The following EXOC4 variants were observed in gnomAD, a reference collection of about 807,000 sequenced individuals.
EXOC4 encodes SEC8-like 1.
Under a neutral mutation model 107.2 loss-of-function variants are expected in EXOC4, and 71 were observed. The observed-to-expected ratio is 0.66, with a 90% CI of 0.55 to 0.81. EXOC4 has a LOEUF of 0.81. Ranked by LOEUF, EXOC4 falls within the 30% of genes least tolerant of loss-of-function variation. EXOC4 has a pLI of 0.00. For missense variants in EXOC4, 1,108 were observed against 1,189.6 expected (o/e 0.93, Z 1.01); for synonymous variants, 456 against 441.2 (o/e 1.03, Z -0.42).
intron 5 of EXOC4, among the ~76,000 whole-genome samples, chr7:133,342,976 C>G (rs1170615186): frequency 1.3e-5 from 2 of 152,054 alleles, no homozygotes; most frequent in East Asian, 3.9e-4. Context: ...TTGCTGGTGC[C>G]TCCTTGAGTA....
chr7:133,415,581 T>C (rs1482539266), intron 7 of EXOC4, among the ~76,000 whole-genome samples: 1 of 152,196 alleles, frequency 6.6e-6, no homozygotes, highest in Non-Finnish European at 1.5e-5. Flanking sequence ...TGTAAAACAT[T>C]GGCATATATT....
At chr7:133,425,838 TAAACTC>T (rs1042012289) in intron 7 of EXOC4, among the ~76,000 whole-genome samples, 2 of 152,218 alleles carry the variant, frequency 1.3e-5, no homozygotes, top group African/African-American at 4.8e-5. Context: ...GGTCTTTAGA[TAAACTC>T]AACCAATTGT....
chr7:133,287,319 AT>A (rs201312514), intron 2 of EXOC4, among the ~76,000 whole-genome samples: 1 of 150,092 alleles, frequency 6.7e-6, no homozygotes, highest in Non-Finnish European at 1.5e-5. Flanking sequence ...ATATATGTAT[AT>A]TTTTTTTTGA....
chr7:133,810,588 ATGCTT>A (rs146074153), intron 10 of EXOC4, among the ~76,000 whole-genome samples: 51,350 of 139,162 alleles, frequency 0.37, 10,990 homozygotes, highest in East Asian at 0.61. Context: ...GATAAGATCC[ATGCTT>A]TGCTTTATTT....
At chr7:133,652,737 C>G (rs1308031507) in intron 10 of EXOC4, among the ~76,000 whole-genome samples, 2 of 152,178 alleles carry the variant, frequency 1.3e-5, no homozygotes, top group African/African-American at 4.8e-5. Context: ...GAGCAAGCAG[C>G]TGTTTTTGCT....
chr7:133,842,771 T>C, intron 11 of EXOC4, among the ~76,000 whole-genome samples: 1 of 152,176 alleles, frequency 6.6e-6, no homozygotes, highest in Non-Finnish European at 1.5e-5. Context: ...AGTTTTAGGT[T>C]TTATATTTAA....
At chr7:133,702,733 C>T (rs1794693212) in intron 10 of EXOC4, among the ~76,000 whole-genome samples, 1 of 152,118 alleles carries the variant, frequency 6.6e-6, no homozygotes, top group African/African-American at 2.4e-5. Flanking sequence ...TTTAAAAATG[C>T]TTCCAGCAGA....
Position 133,573,941 on chromosome 7 carries a change from C to G in EXOC4, c.1418-56104C>G, listed in dbSNP as rs988835614. ...TGTATTTCTACTGTGTAGAGAGATT[C>G]TTCAGCTTTGTGAAATCTTAAAATA... On this transcript the variant is annotated intron_variant, in intron 9 of 17. Coordinates refer to ENST00000253861, the MANE Select transcript of EXOC4 (RefSeq NM_021807.4). 2.6e-5 allele frequency among the ~76,000 whole-genome samples: 4 copies of G among 152,310 alleles called. No homozygotes were observed. In the East Asian group the frequency reaches 7.7e-4, roughly 29 times the overall value.
chr7:134,014,949 T>C (rs905265855), intron 17 of EXOC4, among the ~76,000 whole-genome samples: 18 of 152,166 alleles, frequency 1.2e-4, no homozygotes, highest in Non-Finnish European at 1.9e-4. Flanking sequence ...TCCTGAGAGG[T>C]AGAAGATAAA....
chr7:134,014,470 A>G lies in EXOC4; in HGVS notation c.2687+6635A>G, dbSNP rs562773737. 3.9e-5 allele frequency among the ~76,000 whole-genome samples: 6 copies of G among 152,316 alleles called. No individual in the cohort carries two copies. The East Asian group carries it at 9.6e-4, about 24-fold the overall frequency. On this transcript the variant is annotated intron_variant, in intron 17 of 17. Coordinates refer to ENST00000253861, the MANE Select transcript of EXOC4 (RefSeq NM_021807.4). ...TGAATAGAACGTGGTACATTCATAC[A>G]ATGGAGTTTATTTGGCCACAGAAAG...
chr7:133,885,975 G>A (rs1452304298), intron 11 of EXOC4, among the ~76,000 whole-genome samples: 1 of 152,144 alleles, frequency 6.6e-6, no homozygotes, highest in African/African-American at 2.4e-5. Context: ...GGCTAAGTAG[G>A]AAGGATCGAG....
At chr7:133,961,435 C>T (rs192327394) in intron 14 of EXOC4, among the ~76,000 whole-genome samples, 18 of 145,240 alleles carry the variant, frequency 1.2e-4, no homozygotes, top group Non-Finnish European at 1.8e-4. Context: ...TACAGGCGCA[C>T]GCCACTGCAC....
rs774395151 is a variant in EXOC4, at chr7:133,787,955, T to TTTTATATATATATATATA, written c.1515-29369_1515-29368insTTATATATATATATATAT. The stretch of plus-strand genomic sequence containing the variant: ...AGATACTTCTTCCCTGTGCATATAT[T>TTTTATATATATATATATA]TATATATTTATATATATATATATAT... On this transcript the variant is annotated intron_variant, in intron 10 of 17. Coordinates refer to ENST00000253861, the MANE Select transcript of EXOC4 (RefSeq NM_021807.4). Among the ~76,000 whole-genome samples the TTTTATATATATATATATA allele has an allele frequency of 1.9e-4, 6 of 31,646 alleles. 1 individual carries two copies. The highest frequency in any genetic ancestry group is 3.7e-4 in the Non-Finnish European group (6 of 16,296). 20.8% of individuals were successfully genotyped at this position (31,646 alleles called of 152,430 possible).
At chr7:133,758,630 C>T (rs962047430) in intron 10 of EXOC4, among the ~76,000 whole-genome samples, 29 of 152,174 alleles carry the variant, frequency 1.9e-4, no homozygotes, top group African/African-American at 6.0e-4. Context: ...GGGATGAACA[C>T]GTGTTCTTTG....
At chr7:133,823,872 TTATATA>T (rs1294402537) in intron 11 of EXOC4, among the ~76,000 whole-genome samples, 12 of 11,600 alleles carry the variant, frequency 1.0e-3, no homozygotes, top group Non-Finnish European at 1.6e-3. Flanking sequence ...TATATATATA[TTATATA>T]TATATATATA....
At chr7:133,784,844 G>A (rs1371579413) in intron 10 of EXOC4, among the ~76,000 whole-genome samples, 1 of 152,062 alleles carries the variant, frequency 6.6e-6, no homozygotes, top group Non-Finnish European at 1.5e-5. Flanking sequence ...TCAGGCTAAA[G>A]TTTAAAAAAA....
At chr7:133,260,769 A>G (rs1187098929) in intron 1 of EXOC4, among the ~76,000 whole-genome samples, 1 of 152,036 alleles carries the variant, frequency 6.6e-6, no homozygotes, top group East Asian at 1.9e-4. Flanking sequence ...TCTCCATTTA[A>G]TTCTTCAATT....
the EXOC4 span, among the ~76,000 whole-genome samples, chr7:134,079,483 A>G: frequency 6.6e-6 from 1 of 152,114 alleles, no homozygotes; most frequent in Non-Finnish European, 1.5e-5. Flanking sequence ...GAACAATTTC[A>G]GCATTCATTT....
At chr7:133,658,206 C>T (rs7798120) in intron 10 of EXOC4, among the ~76,000 whole-genome samples, 2,879 of 152,206 alleles carry the variant, frequency 0.019, 86 homozygotes, top group African/African-American at 0.066. Flanking sequence ...GATCCCAATA[C>T]ATCCGTGAGG....
Sources: allele counts gnomAD v4.1 joint callset (sites outside exome capture counted in the v4.1 genomes callset), GRCh38; gene constraint gnomAD v4.1.1; transcripts MANE v1.5; gene names NCBI Gene and HGNC (gene_info 2026-07-23, HGNC 2026-07-21).